Variants in RYR3 observed in about 807,000 individuals in gnomAD.
RYR3 encodes ryanodine receptor 3, also known as brain ryanodine receptor-calcium release channel.
Under a neutral mutation model 584.3 loss-of-function variants are expected in RYR3, and 207 were observed. That is an observed-to-expected ratio of 0.35 (90% CI 0.32 to 0.40). The LOEUF (loss-of-function observed/expected upper bound fraction) is 0.40, where lower values mean the gene tolerates loss of function less well. Ranked by LOEUF, RYR3 falls within the 10% of genes least tolerant of loss-of-function variation. RYR3 has a pLI of 1.00. For missense variants in RYR3, 5,616 were observed against 6,089.2 expected, an observed-to-expected ratio of 0.92 and a Z score of 2.59; for synonymous variants, 2,416 against 2,248.5, an observed-to-expected ratio of 1.07 and a Z score of -2.11.
At chr15:33,601,048 T>G (rs555010711) in intron 16 of RYR3, among the ~76,000 whole-genome samples, 5 of 152,250 alleles carry the variant, frequency 3.3e-5, no homozygotes, top group African/African-American at 1.2e-4. Flanking sequence ...GGGCCCTAGA[T>G]GCCTCGCCAC....
intron 36 of RYR3, 125 bp from the exon 37 acceptor site, chr15:33,669,229 A>T: frequency 1.4e-4 from 20 of 144,086 alleles, no homozygotes; most frequent in African/African-American, 7.4e-4. Flanking sequence ...CACTTTTACC[A>T]AAAAAAAAAA....
Position 33,644,294 on chromosome 15 carries a change from C to T in RYR3, c.3557-17C>T, listed in dbSNP as rs769301238. ...GGTGCCTTCGGGCTAAAGCAGGTCTCTCTAACTCTTCTGCAGGCTTCGTGC... is the reference window on the plus strand; with the variant it reads ...GGTGCCTTCGGGCTAAAGCAGGTCTTTCTAACTCTTCTGCAGGCTTCGTGC... On this transcript the variant is annotated splice_polypyrimidine_tract_variant and intron_variant, in intron 27 of 103. Transcript: ENST00000634891. 14 of 1,597,700 alleles carry T rather than the reference C, an allele frequency of 8.8e-6. No individual in the cohort carries two copies. The highest frequency in any genetic ancestry group is 1.1e-5 in the Non-Finnish European group (13 of 1,171,468).
chr15:33,568,050 A>T (rs7172763), intron 12 of RYR3, among the ~76,000 whole-genome samples: 1 of 151,970 alleles, frequency 6.6e-6, no homozygotes, highest in East Asian at 1.9e-4. Flanking sequence ...GAGAACTGCT[A>T]TCCTGGGATG....
intron 2 of RYR3, among the ~76,000 whole-genome samples, chr15:33,500,306 C>A (rs1471352105): frequency 6.6e-6 from 1 of 152,162 alleles, no homozygotes; most frequent in Non-Finnish European, 1.5e-5. Flanking sequence ...TATGCTAGCA[C>A]AGTGCGAAGT....
At chr15:33,806,117 G>C (rs952116367) in intron 69 of RYR3, among the ~76,000 whole-genome samples, 1 of 152,028 alleles carries the variant, frequency 6.6e-6, no homozygotes, top group African/African-American at 2.4e-5. Flanking sequence ...CTTCTCAGTG[G>C]GACAAGAGCT....
intron 38 of RYR3, among the ~76,000 whole-genome samples, chr15:33,680,060 T>C (rs1175754874): frequency 2.0e-5 from 3 of 152,196 alleles, no homozygotes. Flanking sequence ...CACTAATTGA[T>C]TGTAATATTA....
At chr15:33,578,446 T>C (rs571510478) in intron 12 of RYR3, among the ~76,000 whole-genome samples, 1 of 152,316 alleles carries the variant, frequency 6.6e-6, no homozygotes, top group East Asian at 1.9e-4. Context: ...AATGAGATCA[T>C]GTCCTTAGCA....
In RYR3 at chr15:33,697,946, G is replaced by A. The variant is rs779815950; in HGVS notation, c.6199G>A (p.Glu2067Lys). 8 of 1,613,768 alleles carry A rather than the reference G, an allele frequency of 5.0e-6. No homozygotes were observed. Among genetic ancestry groups the A allele is most frequent in the African/African-American group, 1.3e-5 (1 of 74,932 alleles). Residue 2067 changes from glutamate to lysine, a missense_variant, in exon 40 of 104, where the codon GAG becomes AAG. Glu to Lys is a moderately conservative substitution (Grantham distance 56). Coordinates refer to ENST00000634891, the MANE Select transcript of RYR3 (RefSeq NM_001036.6). ...CCTCATGAGAGTCCTGGGCATGCAC[G>A]AGACGGTGATGGAGGTGATGGTGAA... is the stretch of plus-strand genomic sequence containing the variant. ...PNLMRVLGMH[E>K]TVMEVMVNVL...
intron 51 of RYR3, among the ~76,000 whole-genome samples, chr15:33,741,320 A>T (rs2070073902): frequency 6.6e-6 from 1 of 152,246 alleles, no homozygotes; most frequent in Admixed American, 6.5e-5. Context: ...AATCAGGCAC[A>T]GGGAGGAAAT....
At chr15:33,728,787 A>G in intron 46 of RYR3, 70 bp from the exon 47 acceptor site, 1 of 1,435,878 alleles carries the variant, frequency 7.0e-7, no homozygotes, top group Non-Finnish European at 9.4e-7. Context: ...ATAGACAGAC[A>G]AGCTCTGTGT....
In RYR3 at chr15:33,689,973, T is replaced by C. The variant is rs74005953; in HGVS notation, c.5861-6245T>C. ...AAATGCTGGTCAGTTAAAAGCTAAC[T>C]TAGAGGTGGCACGACTGGAGTTAAT... On this transcript the variant is annotated intron_variant, in intron 38 of 103. Transcript: ENST00000634891. Among the ~76,000 whole-genome samples the C allele has an allele frequency of 1.4e-3, 207 of 152,336 alleles. 1 individual carries two copies. Among genetic ancestry groups the C allele is most frequent in the African/African-American group, 4.8e-3 (199 of 41,570 alleles).
Position 33,533,190 on chromosome 15 carries a change from GATAA to G in RYR3, c.355-117_355-114del, listed in dbSNP as rs1464845324. The G allele has an allele frequency of 6.4e-5, 42 of 651,172 alleles. No homozygotes were observed. In the African/African-American group the frequency reaches 6.6e-4, roughly 10 times the overall value. The allele number at this position is 651,172 out of a possible 1,614,324, so 40.3% of individuals were successfully genotyped here. A position where few individuals can be genotyped will look rare whatever the true frequency, so the allele number is the denominator to read the frequency against. ...TACCAATTAACTTTCCAATGAACAA[GATAA>G]ATAGAGCTGTCTTCACAGTAGCTCA... On this transcript the variant is annotated intron_variant, in intron 4 of 103. Transcript: ENST00000634891.
chr15:33,567,806 A>T (rs2057795929), intron 12 of RYR3, among the ~76,000 whole-genome samples: 1 of 152,180 alleles, frequency 6.6e-6, no homozygotes, highest in Admixed American at 6.6e-5. Context: ...TCAGAATAAG[A>T]TCCAGCAACT....
chr15:33,851,198 C>G (rs146189694), intron 94 of RYR3: 1 of 152,148 alleles, frequency 6.6e-6, no homozygotes, highest in Non-Finnish European at 1.5e-5. Flanking sequence ...AACAGTGCTA[C>G]AGTGAACATT....
In RYR3 at chr15:33,636,506, A is replaced by C. The variant is rs748477713; in HGVS notation, c.3512A>C (p.Asn1171Thr). ...FTLNGELLIT[N>T]KGSELAFADY... ...CTGAATGGGGAGCTGCTGATCACCA[A>C]CAAAGGCTCTGAACTTGCCTTCGCT... is the stretch of plus-strand genomic sequence containing the variant. The change falls in exon 27 of 104, where the codon AAC (asparagine) becomes ACC (threonine). Residue 1171 changes from asparagine (N) to threonine (T), a missense_variant. This residue lies in a region of RYR3 where 152 missense variants were observed against 200.9 expected (regional missense o/e 0.76). Coordinates refer to ENST00000634891, the MANE Select transcript of RYR3 (RefSeq NM_001036.6). The C allele has an allele frequency of 3.1e-6, 5 of 1,611,398 alleles. No homozygotes were observed. The highest frequency in any genetic ancestry group is 1.7e-4 in the Middle Eastern group (1 of 6,036).
At position 33,831,013 on chromosome 15, in the gene RYR3, T is replaced by G. The variant is rs754638079; in HGVS notation, c.11385T>G (p.Asp3795Glu). Reference protein sequence around the residue: ...YWYYSGKDIIDESGQHNFSKA... With the variant: ...YWYYSGKDIIEESGQHNFSKA... ...ATTATTCAGGGAAGGACATCATTGA[T>G]GAATCTGGACAGCACAATTTTTCCA... The change falls in exon 86 of 104, where the codon GAT (aspartate) becomes GAG (glutamate). Residue 3795 changes from aspartate (D) to glutamate (E), a missense_variant. By Grantham distance (45) the Asp-to-Glu change is conservative (BLOSUM62 2). This residue lies in a region of RYR3 where 954 missense variants were observed against 1,132.2 expected (regional missense o/e 0.84). Coordinates refer to ENST00000634891, the MANE Select transcript of RYR3 (RefSeq NM_001036.6). 6 of 1,613,800 alleles carry G rather than the reference T, an allele frequency of 3.7e-6. No homozygotes were observed. Among genetic ancestry groups the G allele is most frequent in the Middle Eastern group, 1.6e-4 (1 of 6,062 alleles).
chr15:33,401,450 ACATTCAG>A (rs1401747015), intron 1 of RYR3, among the ~76,000 whole-genome samples: 8 of 151,558 alleles, frequency 5.3e-5, no homozygotes, highest in Admixed American at 2.6e-4. Context: ...TCCAAATCTT[ACATTCAG>A]CATTCAGCAC....
At chr15:33,832,346 C>G (rs1049118084) in intron 86 of RYR3, among the ~76,000 whole-genome samples, 3 of 151,612 alleles carry the variant, frequency 2.0e-5, no homozygotes, top group African/African-American at 7.3e-5. Context: ...ATCATATATA[C>G]TGTGCTTAAT....
intron 1 of RYR3, among the ~76,000 whole-genome samples, chr15:33,406,105 G>A (rs747676468): frequency 6.6e-6 from 1 of 152,190 alleles, no homozygotes; most frequent in Non-Finnish European, 1.5e-5. Flanking sequence ...TAACTGCTAT[G>A]GCTGGAAAGA....
Sources: allele counts gnomAD v4.1 joint callset (sites outside exome capture counted in the v4.1 genomes callset), GRCh38; gene constraint gnomAD v4.1.1; regional missense constraint gnomAD v4.1.1; transcripts MANE v1.5; gene names NCBI Gene and HGNC (gene_info 2026-07-23, HGNC 2026-07-21).